TARBP1: variants seen among roughly 807,000 people sequenced by gnomAD.
The protein encoded by TARBP1 is tRNA (guanosine(18)-2'-O)-methyltransferase TARBP1.
A neutral mutation model predicts 178.6 loss-of-function variants in TARBP1; 144 were observed. That is an observed-to-expected ratio of 0.81 (90% CI 0.70 to 0.93). The LOEUF (loss-of-function observed/expected upper bound fraction) is 0.93. Among genes scored for constraint, TARBP1 ranks in the 40% least tolerant of loss-of-function variants. The pLI is 0.00. For missense variants in TARBP1, 2,067 were observed against 2,011.7 expected (o/e 1.03, Z -0.53); for synonymous variants, 787 against 781.0 (o/e 1.01, Z -0.13).
intron 12 of TARBP1, among the ~76,000 whole-genome samples, chr1:234,445,383 G>A (rs1002462659): frequency 1.3e-5 from 2 of 152,000 alleles, no homozygotes; most frequent in Non-Finnish European, 2.9e-5. Flanking sequence ...TATGTTAATG[G>A]CTCCCAAATT....
chr1:234,391,809 CTTTT>C, intron 29 of TARBP1, 64 bp from the exon 30 acceptor site: 1 of 1,497,064 alleles, frequency 6.7e-7, no homozygotes, highest in Non-Finnish European at 9.0e-7. Context: ...CTTTGATATT[CTTTT>C]TATTTTTTGT....
chr1:234,465,818 A>T, intron 4 of TARBP1, 110 bp from the exon 5 acceptor site: 1 of 981,748 alleles, frequency 1.0e-6, no homozygotes, highest in Non-Finnish European at 1.4e-6. Flanking sequence ...AAGACCTGCT[A>T]TAAGCAAAGC....
chr1:234,437,429 A>T (rs930057256), intron 12 of TARBP1, 57 bp from the exon 13 acceptor site: 16 of 796,566 alleles, frequency 2.0e-5, no homozygotes, highest in Non-Finnish European at 2.8e-5. Flanking sequence ...GGTACAAAAC[A>T]CACCAGATAT....
At chr1:234,450,762 G>A (rs1666667833) in intron 9 of TARBP1, among the ~76,000 whole-genome samples, 196 bp from the exon 10 acceptor site, 1 of 147,970 alleles carries the variant, frequency 6.8e-6, no homozygotes, top group African/African-American at 2.5e-5. Context: ...ATATATTTAT[G>A]TATGCGTATA....
At chr1:234,472,393 C>T (rs1669156002) in intron 2 of TARBP1, among the ~76,000 whole-genome samples, 3 of 141,382 alleles carry the variant, frequency 2.1e-5, no homozygotes, top group Admixed American at 7.1e-5. Flanking sequence ...ACCTACTGAA[C>T]CAGAAAGTCT....
intron 9 of TARBP1, 125 bp from the exon 10 acceptor site, chr1:234,450,691 T>C: frequency 9.2e-7 from 1 of 1,086,422 alleles, no homozygotes; most frequent in Non-Finnish European, 1.3e-6. Context: ...TACAAAGTAA[T>C]AAACCATTTA....
chr1:234,452,570 T>C (rs1001915215), intron 9 of TARBP1, among the ~76,000 whole-genome samples: 1 of 152,256 alleles, frequency 6.6e-6, no homozygotes, highest in East Asian at 1.9e-4. Flanking sequence ...ACAAACCAAA[T>C]GCTGAAGAGA....
chr1:234,398,814 G>C (rs771378815), intron 25 of TARBP1, among the ~76,000 whole-genome samples: 2 of 152,164 alleles, frequency 1.3e-5, no homozygotes, highest in African/African-American at 4.8e-5. Context: ...TAATAAACCA[G>C]TATGTGCCTA....
chr1:234,428,646 A>G (rs1264459354), intron 17 of TARBP1, among the ~76,000 whole-genome samples: 1 of 152,052 alleles, frequency 6.6e-6, no homozygotes, highest in Non-Finnish European at 1.5e-5. Context: ...CCTGGGTTCA[A>G]GCAATTCTCC....
At chr1:234,478,099 T>C in intron 1 of TARBP1, 74 bp downstream of exon 1, 1 of 1,468,980 alleles carries the variant, frequency 6.8e-7, no homozygotes, top group African/African-American at 1.4e-5. Context: ...TAAGCTAGTT[T>C]TTAGAAGCAG....
chr1:234,447,028 T>G (rs1666250140), intron 11 of TARBP1, 53 bp from the exon 12 acceptor site: 2 of 1,596,584 alleles, frequency 1.3e-6, no homozygotes, highest in Non-Finnish European at 1.7e-6. Flanking sequence ...ATAAGCAAAT[T>G]GCTTCCCACC....
At position 234,478,658 on chromosome 1, in the gene TARBP1, G is replaced by A. The variant is rs1669824957; in HGVS notation, c.446C>T (p.Pro149Leu). Residue 149 changes from proline (P) to leucine (L), a missense_variant, in exon 1 of 30, where the codon CCA becomes CTA. By Grantham distance (98) the Pro-to-Leu change is moderately conservative. Coordinates refer to ENST00000040877, the MANE Select transcript of TARBP1 (RefSeq NM_005646.4). ...CCCGTCCTCGCGGGGCCGCAAACAT[G>A]GCCCGACGGCTGCTAGCACTTCCAC... ...AAVEVLAAVG[P>L]CLRPREDGPL... 1.6e-6 allele frequency: 2 copies of A among 1,265,032 alleles called. No homozygotes were observed. Among genetic ancestry groups the A allele is most frequent in the African/African-American group, 1.6e-5 (1 of 63,218 alleles). 78.4% of individuals were successfully genotyped at this position (1,265,032 alleles called of 1,614,324 possible).
intron 11 of TARBP1, among the ~76,000 whole-genome samples, chr1:234,447,872 C>T (rs10489896): frequency 0.3 from 44,888 of 151,920 alleles, 6,811 homozygotes; most frequent in Admixed American, 0.4. Flanking sequence ...TGGAATCTTG[C>T]AATCTATTTC....
chr1:234,396,947 A>G (rs918566146), intron 26 of TARBP1, among the ~76,000 whole-genome samples: 1 of 151,836 alleles, frequency 6.6e-6, no homozygotes, highest in South Asian at 2.1e-4. Context: ...ACTGGCAAAC[A>G]TGTGGCACAG....
intron 6 of TARBP1, among the ~76,000 whole-genome samples, chr1:234,462,712 A>T (rs1668002838): frequency 6.8e-6 from 1 of 147,690 alleles, no homozygotes; most frequent in Admixed American, 6.8e-5. Flanking sequence ...AAAAAGAATG[A>T]CTCTAACAGT....
intron 12 of TARBP1, among the ~76,000 whole-genome samples, chr1:234,445,930 A>G (rs1464102765): frequency 6.6e-6 from 1 of 152,202 alleles, no homozygotes; most frequent in East Asian, 1.9e-4. Context: ...TGAGCATAGG[A>G]GTAAATAGTC....
At chr1:234,414,874 C>T (rs12045726) in intron 22 of TARBP1, among the ~76,000 whole-genome samples, 26,755 of 152,080 alleles carry the variant, frequency 0.18, 2,517 homozygotes, top group East Asian at 0.31. Context: ...GTCCCAGCTA[C>T]TCAGGAGGCT....
At chr1:234,451,008 A>G (rs1289963165) in intron 9 of TARBP1, among the ~76,000 whole-genome samples, 1 of 152,194 alleles carries the variant, frequency 6.6e-6, no homozygotes, top group East Asian at 1.9e-4. Context: ...TGCTAAAACA[A>G]GAAGTTTTAT....
rs572307285 is a variant in TARBP1 at position 234,441,211 on chromosome 1, T to C, written c.2135-3839A>G. Among the ~76,000 whole-genome samples, 7 of 152,254 alleles carry C rather than the reference T, an allele frequency of 4.6e-5. No individual in the cohort carries two copies. The South Asian group carries it at 1.2e-3, about 27-fold the overall frequency. ...AATAAATAAATGTAAGGAAATACCA[T>C]ATTCATGCATTAAAAGTTTCAGCAT... On this transcript the variant is annotated intron_variant, in intron 12 of 29. Coordinates refer to ENST00000040877, the MANE Select transcript of TARBP1 (RefSeq NM_005646.4).
Sources: gnomAD v4.1 joint callset for allele counts (sites outside exome capture counted in the v4.1 genomes callset) on GRCh38, gnomAD v4.1.1 for gene constraint, MANE v1.5 for transcripts, NCBI Gene and HGNC (gene_info 2026-07-23, HGNC 2026-07-21) for gene names.